The following CNTNAP5 variants were observed in gnomAD, a reference collection of about 807,000 sequenced individuals.
The protein encoded by CNTNAP5 is contactin associated protein family member 5.
In CNTNAP5, 72 loss-of-function variants were observed where a neutral mutation model predicts 150.2. The ratio of observed to expected loss-of-function variants is 0.48; its 90% CI spans 0.40 to 0.58. The LOEUF is 0.58. CNTNAP5 is among the 20% of genes least tolerant of loss of function. The pLI, the probability that CNTNAP5 is intolerant of heterozygous loss-of-function variation, is 0.00. For synonymous variants in CNTNAP5, 672 were observed against 619.8 expected (o/e 1.08, Z -1.25); for missense variants, 1,636 against 1,626.2 (o/e 1.01, Z -0.10).
At chr2:124,232,539 A>C (rs998848344) in intron 2 of CNTNAP5, among the ~76,000 whole-genome samples, 14 of 152,144 alleles carry the variant, frequency 9.2e-5, no homozygotes, top group African/African-American at 2.4e-4. Flanking sequence ...AGAAAATGGG[A>C]GTTAATATAA....
chr2:124,669,503 C>G (rs959831145), intron 13 of CNTNAP5, among the ~76,000 whole-genome samples: 3 of 152,212 alleles, frequency 2.0e-5, no homozygotes, highest in Admixed American at 1.3e-4. Context: ...CAGCCCAGGG[C>G]TCTCTTCATC....
chr2:124,036,628 A>G (rs1250810796), intron 1 of CNTNAP5, among the ~76,000 whole-genome samples: 2 of 152,094 alleles, frequency 1.3e-5, no homozygotes, highest in Non-Finnish European at 2.9e-5. Flanking sequence ...AACCAAGCAG[A>G]TTGGAATGCT....
At chr2:124,201,189 C>T (rs943912852) in intron 1 of CNTNAP5, among the ~76,000 whole-genome samples, 1 of 152,184 alleles carries the variant, frequency 6.6e-6, no homozygotes, top group Non-Finnish European at 1.5e-5. Context: ...TGCAGGTCAC[C>T]TAATAGGAAC....
In CNTNAP5 at chr2:124,916,937, G is replaced by A. The variant is rs886447406; in HGVS notation, c.*2649G>A. Among the ~76,000 whole-genome samples, 7 of 151,944 alleles carry A rather than the reference G, an allele frequency of 4.6e-5. No individual in the cohort carries two copies. The highest frequency in any genetic ancestry group is 1.4e-4 in the African/African-American group (6 of 41,406). On this transcript the variant is annotated 3_prime_UTR_variant, in exon 24 of 24. Transcript: ENST00000682447. The stretch of plus-strand genomic sequence containing the variant: ...GATATATATGAAATGCAAGTGATCC[G>A]TACCCTCCAAAGTAGAATGTAATTT...
In CNTNAP5 at chr2:124,653,465, A is replaced by G. The variant is rs72974583; in HGVS notation, c.2077+5507A>G. On this transcript the variant is annotated intron_variant, in intron 13 of 23. Coordinates refer to ENST00000682447, the MANE Select transcript of CNTNAP5 (RefSeq NM_001367498.1). ...CATATATACAATATATGATGTATAT[A>G]CTATATAGTATATGCTATGTCATAT... Among the ~76,000 whole-genome samples, 838 of 151,658 alleles carry G rather than the reference A, an allele frequency of 5.5e-3. 8 individuals are homozygous for G. Among genetic ancestry groups the G allele is most frequent in the African/African-American group, 0.019 (791 of 41,394 alleles).
chr2:124,541,393 G>A (rs1425929964), intron 10 of CNTNAP5, among the ~76,000 whole-genome samples: 1 of 151,672 alleles, frequency 6.6e-6, no homozygotes, highest in Non-Finnish European at 1.5e-5. Context: ...TAGTATATAG[G>A]CTACACCCCT....
intron 1 of CNTNAP5, among the ~76,000 whole-genome samples, chr2:124,054,650 T>G (rs967402853): frequency 1.3e-5 from 2 of 152,190 alleles, no homozygotes; most frequent in Admixed American, 1.3e-4. Context: ...AAGTTTACTA[T>G]AGCAGATCTC....
chr2:124,247,494 T>C, intron 3 of CNTNAP5, among the ~76,000 whole-genome samples: 1 of 152,112 alleles, frequency 6.6e-6, no homozygotes, highest in Admixed American at 6.6e-5. Context: ...TGTGAGGGGC[T>C]TAGACTACTT....
At chr2:124,790,256 T>C in intron 18 of CNTNAP5, 115 bp downstream of exon 18, 1 of 1,145,938 alleles carries the variant, frequency 8.7e-7, no homozygotes, top group South Asian at 1.6e-5. Context: ...TCTCCCGCTG[T>C]TTAGAGAGTC....
In CNTNAP5 at chr2:124,296,781, G is replaced by A. The variant is rs537920392; in HGVS notation, c.381+54388G>A. ...CTCAATACCCCCTCTCCCCATAAAT[G>A]TATACACATATATATCCAATGTGCA... On this transcript the variant is annotated intron_variant, in intron 3 of 23. Coordinates refer to ENST00000682447, the MANE Select transcript of CNTNAP5 (RefSeq NM_001367498.1). Among the ~76,000 whole-genome samples, 14 of 152,252 alleles carry A rather than the reference G, an allele frequency of 9.2e-5. No homozygotes were observed. The South Asian group carries it at 2.5e-3, about 27-fold the overall frequency.
intron 19 of CNTNAP5, among the ~76,000 whole-genome samples, chr2:124,831,992 C>T (rs1026206770): frequency 5.3e-5 from 8 of 151,936 alleles, no homozygotes; most frequent in South Asian, 2.1e-4. Context: ...TCAGAAAATT[C>T]GGTTGTTTTC....
intron 1 of CNTNAP5, among the ~76,000 whole-genome samples, chr2:124,194,030 G>A (rs539065659): frequency 2.0e-5 from 3 of 152,058 alleles, no homozygotes; most frequent in South Asian, 2.1e-4. Flanking sequence ...TCTTTCTTGC[G>A]ATAGCTTTGT....
chr2:124,656,029 C>A (rs116778050), intron 13 of CNTNAP5, among the ~76,000 whole-genome samples: 6,765 of 134,522 alleles, frequency 0.05, 610 homozygotes, highest in African/African-American at 0.18. Flanking sequence ...GAAGGGAGGG[C>A]ACACCTTGGT....
chr2:124,691,096 A>G (rs185255069), intron 13 of CNTNAP5, among the ~76,000 whole-genome samples: 1 of 152,252 alleles, frequency 6.6e-6, no homozygotes, highest in East Asian at 1.9e-4. Flanking sequence ...CTGTGCAGAA[A>G]GATGATTGGA....
At chr2:124,183,218 C>G (rs902137046) in intron 1 of CNTNAP5, among the ~76,000 whole-genome samples, 1 of 152,012 alleles carries the variant, frequency 6.6e-6, no homozygotes, top group Non-Finnish European at 1.5e-5. Context: ...TGGTAGAATA[C>G]GGGAGCAATT....
intron 13 of CNTNAP5, among the ~76,000 whole-genome samples, chr2:124,668,322 A>G (rs1359381159): frequency 1.3e-5 from 2 of 152,238 alleles, no homozygotes; most frequent in African/African-American, 4.8e-5. Context: ...CATAAGTGGC[A>G]GAGAAGCTGA....
At chr2:124,390,830 C>A (rs2104748130) in intron 3 of CNTNAP5, among the ~76,000 whole-genome samples, 1 of 152,158 alleles carries the variant, frequency 6.6e-6, no homozygotes, top group African/African-American at 2.4e-5. Flanking sequence ...ATATAAAAAC[C>A]AGGCTCAACA....
At position 124,921,099 on chromosome 2, in the gene CNTNAP5, T is replaced by A. The variant is rs1460624706; in HGVS notation, c.*6811T>A. On this transcript the variant is annotated 3_prime_UTR_variant, in exon 24 of 24. Coordinates refer to ENST00000682447, the MANE Select transcript of CNTNAP5 (RefSeq NM_001367498.1). The stretch of plus-strand genomic sequence containing the variant: ...CTTAATACACTGTATGGGGAAAAAA[T>A]AAAAGTTAGCCTTAGATTTCTTTGT... Among the ~76,000 whole-genome samples, 1 of 152,090 alleles carries A rather than the reference T, an allele frequency of 6.6e-6. No individual in the cohort carries two copies. The highest frequency in any genetic ancestry group is 2.4e-5 in the African/African-American group (1 of 41,424).
At chr2:124,281,488 T>A (rs906658573) in intron 3 of CNTNAP5, among the ~76,000 whole-genome samples, 1 of 152,172 alleles carries the variant, frequency 6.6e-6, no homozygotes, top group South Asian at 2.1e-4. Context: ...CATAGACTTA[T>A]GAAAAACATT....
Sources: gnomAD v4.1 joint callset for allele counts (sites outside exome capture counted in the v4.1 genomes callset) on GRCh38, gnomAD v4.1.1 for gene constraint, MANE v1.5 for transcripts, NCBI Gene and HGNC (gene_info 2026-07-23, HGNC 2026-07-21) for gene names.